Variants in PTCSC3 observed in about 807,000 individuals in gnomAD.
The protein encoded by PTCSC3 is papillary thyroid carcinoma susceptibility candidate 3 (non-protein coding).
intron 1 of PTCSC3, among the ~76,000 whole-genome samples, chr14:36,174,744 C>T (rs966285621): frequency 3.3e-5 from 5 of 152,130 alleles, no homozygotes; most frequent in African/African-American, 7.2e-5. Flanking sequence ...TAAATCTTGT[C>T]GGGGTTTGGT....
chr14:36,146,869 ATC>A (rs1881586266), intron 3 of PTCSC3, among the ~76,000 whole-genome samples: 1 of 150,406 alleles, frequency 6.6e-6, no homozygotes, highest in South Asian at 2.1e-4. Flanking sequence ...TGGTGACAAA[ATC>A]TCTCAGCATT....
intron 3 of PTCSC3, among the ~76,000 whole-genome samples, chr14:36,138,762 A>C (rs1236492255): frequency 3.3e-5 from 5 of 152,224 alleles, no homozygotes; most frequent in African/African-American, 1.2e-4. Flanking sequence ...TTGGCAGTTT[A>C]GTATAAACAT....
intron 3 of PTCSC3, among the ~76,000 whole-genome samples, chr14:36,141,486 G>A (rs1446077265): frequency 6.6e-6 from 1 of 151,812 alleles, no homozygotes. Context: ...CCAGGTAGCT[G>A]GGATTACAGG....
chr14:36,139,128 A>AAG (rs1555330354), intron 3 of PTCSC3, among the ~76,000 whole-genome samples: 1 of 151,182 alleles, frequency 6.6e-6, no homozygotes, highest in Non-Finnish European at 1.5e-5. Context: ...ATAAAAAAAA[A>AAG]AAAAAAAAAA....
At chr14:36,159,178 C>CTT (rs145004208) in intron 2 of PTCSC3, among the ~76,000 whole-genome samples, 10 of 143,874 alleles carry the variant, frequency 7.0e-5, no homozygotes, top group African/African-American at 2.6e-4. Flanking sequence ...TTTTGTTGAT[C>CTT]TTTAAAAAAA....
chr14:36,142,278 T>C (rs1158512178), intron 3 of PTCSC3, among the ~76,000 whole-genome samples: 1 of 152,220 alleles, frequency 6.6e-6, no homozygotes, highest in East Asian at 1.9e-4. Context: ...ATTGATATGA[T>C]TTTTCTTCTT....
At chr14:36,139,135 A>G (rs933957031) in intron 3 of PTCSC3, among the ~76,000 whole-genome samples, 2 of 150,138 alleles carry the variant, frequency 1.3e-5, no homozygotes, top group Admixed American at 6.6e-5. Context: ...AAAAAAAAAA[A>G]AAAAAGAAAT....
chr14:36,160,108 G>T (rs1881922421), intron 2 of PTCSC3, among the ~76,000 whole-genome samples: 1 of 152,044 alleles, frequency 6.6e-6, no homozygotes, highest in Non-Finnish European at 1.5e-5. Context: ...TTTATTTTGA[G>T]CCTATGTGTG....
intron 2 of PTCSC3, among the ~76,000 whole-genome samples, chr14:36,155,887 T>A (rs1159052965): frequency 6.6e-6 from 1 of 152,188 alleles, no homozygotes; most frequent in Non-Finnish European, 1.5e-5. Flanking sequence ...AAAATGTAGC[T>A]CTCCTTTGGG....
At chr14:36,166,614 T>C (rs1335108698) in intron 1 of PTCSC3, among the ~76,000 whole-genome samples, 1 of 152,146 alleles carries the variant, frequency 6.6e-6, no homozygotes, top group Non-Finnish European at 1.5e-5. Context: ...AGATATTTCC[T>C]TTATTGTTAC....
In PTCSC3 at chr14:36,172,688, T is replaced by G. The variant is rs112005390; in HGVS notation, n.171+3610A>C. Among the ~76,000 whole-genome samples, 357 of 152,214 alleles carry G rather than the reference T, an allele frequency of 2.3e-3. 4 individuals carry two copies. Among genetic ancestry groups the G allele is most frequent in the African/African-American group, 8.1e-3 (335 of 41,562 alleles). ...TTTTGATTTCCTGATTTATGACCCATGTATCCCATCCATTTCCAGTGCTCA... is the reference window on the plus strand; with the variant it reads ...TTTTGATTTCCTGATTTATGACCCAGGTATCCCATCCATTTCCAGTGCTCA... On this transcript the variant is annotated intron_variant and non_coding_transcript_variant, in intron 1 of 3. Coordinates refer to ENST00000556013, the Ensembl canonical transcript of PTCSC3.
intron 1 of PTCSC3, among the ~76,000 whole-genome samples, chr14:36,169,074 T>C (rs1269606353): frequency 1.3e-5 from 2 of 152,076 alleles, no homozygotes; most frequent in Non-Finnish European, 2.9e-5. Context: ...AAAAAAACTC[T>C]CTTAAATCCC....
rs1882049523 is a variant in PTCSC3 at position 36,164,693 on chromosome 14, T to C, written n.172-2010A>G. 2.0e-5 allele frequency among the ~76,000 whole-genome samples: 3 copies of C among 152,222 alleles called. No individual in the cohort carries two copies. In the South Asian group the frequency reaches 6.2e-4, roughly 31 times the overall value. On this transcript the variant is annotated intron_variant and non_coding_transcript_variant, in intron 1 of 3. Transcript: ENST00000556013. ...AACACTGGATACTACAACCTGTACA[T>C]TTCCCCACTGACCTCTATGTCCCCA... is the stretch of plus-strand genomic sequence containing the variant.
chr14:36,141,376 A>C (rs1881417150), intron 3 of PTCSC3, among the ~76,000 whole-genome samples: 1 of 152,058 alleles, frequency 6.6e-6, no homozygotes, highest in Admixed American at 6.6e-5. Context: ...AACATGAAAT[A>C]TCTTTCCCTT....
At chr14:36,160,046 G>A (rs1042794830) in intron 2 of PTCSC3, among the ~76,000 whole-genome samples, 2 of 152,012 alleles carry the variant, frequency 1.3e-5, no homozygotes, top group African/African-American at 2.4e-5. Context: ...AGGATTGCAA[G>A]CCCTGCTTTT....
chr14:36,176,092 A>C (rs941046010), intron 1 of PTCSC3, among the ~76,000 whole-genome samples: 4 of 152,222 alleles, frequency 2.6e-5, no homozygotes, highest in Non-Finnish European at 5.9e-5. Flanking sequence ...ATACATATGT[A>C]CATAATGTCA....
chr14:36,141,965 G>A (rs948939637), intron 3 of PTCSC3, among the ~76,000 whole-genome samples: 8 of 152,104 alleles, frequency 5.3e-5, no homozygotes, highest in African/African-American at 1.7e-4. Context: ...CATGTCATAT[G>A]TGAACAAAGA....
chr14:36,148,203 TC>T (rs762535978), intron 3 of PTCSC3, among the ~76,000 whole-genome samples: 1 of 151,990 alleles, frequency 6.6e-6, no homozygotes, highest in Non-Finnish European at 1.5e-5. Flanking sequence ...AGTTTGAGCT[TC>T]CCGGCTGCTT....
At chr14:36,138,153 G>T (rs181698464) in intron 3 of PTCSC3, among the ~76,000 whole-genome samples, 37 of 142,984 alleles carry the variant, frequency 2.6e-4, no homozygotes, top group African/African-American at 8.7e-4. Context: ...GATAAATGGT[G>T]CTAGACAAAC....
Sources: gnomAD v4.1 joint callset for allele counts (sites outside exome capture counted in the v4.1 genomes callset) on GRCh38, gnomAD v4.1.1 for gene constraint, MANE v1.5 for transcripts, NCBI Gene and HGNC (gene_info 2026-07-23, HGNC 2026-07-21) for gene names.